GRID2: variants seen among roughly 807,000 people sequenced by gnomAD.
GRID2 encodes the protein glutamate receptor ionotropic, delta-2.
A neutral mutation model predicts 114.8 loss-of-function variants in GRID2; 33 were observed. That is an observed-to-expected ratio of 0.29 (90% CI 0.22 to 0.38). GRID2 has a LOEUF of 0.38. Among genes scored for constraint, GRID2 ranks in the 10% least tolerant of loss-of-function variants. The pLI, the probability that GRID2 is intolerant of heterozygous loss-of-function variation, is 1.00. For missense variants in GRID2, 1,184 were observed against 1,257.7 expected, an observed-to-expected ratio of 0.94 and a Z score of 0.89; for synonymous variants, 505 against 449.9, an observed-to-expected ratio of 1.12 and a Z score of -1.55.
At chr4:93,741,174 C>CATATATATATATATATATATATATAT in intron 14 of GRID2, among the ~76,000 whole-genome samples, 1 of 41,232 alleles carries the variant, frequency 2.4e-5, no homozygotes, top group Non-Finnish European at 4.1e-5. Context: ...TATATATATA[C>CATATATATATATATATATATATATAT]ATATATATAT....
intron 4 of GRID2, among the ~76,000 whole-genome samples, chr4:93,185,943 G>A (rs1026615222): frequency 3.9e-5 from 6 of 151,982 alleles, no homozygotes; most frequent in African/African-American, 9.7e-5. Flanking sequence ...TTCCCGCCCT[G>A]TGTCCAAGTG....
At position 92,713,473 on chromosome 4, in the gene GRID2, ATACATATAT is replaced by A. The variant is rs1225798418; in HGVS notation, c.244+123188_244+123196del. ...AGTTTACATATATTTACATATACAT[ATACATATAT>A]ATATATATATATATATATATATATA... On this transcript the variant is annotated intron_variant, in intron 2 of 15. Transcript: ENST00000282020. 1.4e-3 allele frequency among the ~76,000 whole-genome samples: 99 copies of A among 72,240 alleles called. 1 individual carries two copies. Among genetic ancestry groups the A allele is most frequent in the Admixed American group, 1.8e-3 (10 of 5,688 alleles). The allele number at this position is 72,240 out of a possible 152,430, so 47.4% of individuals were successfully genotyped here.
At chr4:92,663,791 C>A (rs980017967) in intron 2 of GRID2, among the ~76,000 whole-genome samples, 1 of 150,976 alleles carries the variant, frequency 6.6e-6, no homozygotes, top group Non-Finnish European at 1.5e-5. Context: ...TAAACTAAAT[C>A]TCTATCCTCC....
At chr4:93,191,398 A>C (rs1740968378) in intron 4 of GRID2, among the ~76,000 whole-genome samples, 1 of 152,064 alleles carries the variant, frequency 6.6e-6, no homozygotes, top group South Asian at 2.1e-4. Context: ...ATGTTGAGAG[A>C]GATTCTTTAT....
At chr4:93,382,566 ATTTC>A (rs1193474064) in intron 8 of GRID2, among the ~76,000 whole-genome samples, 6 of 151,806 alleles carry the variant, frequency 4.0e-5, no homozygotes, top group Non-Finnish European at 2.9e-5. Context: ...TAGCTACAAA[ATTTC>A]TTTCTACTTT....
intron 2 of GRID2, among the ~76,000 whole-genome samples, chr4:92,771,742 A>T (rs897360383): frequency 6.6e-6 from 1 of 152,210 alleles, no homozygotes; most frequent in Non-Finnish European, 1.5e-5. Flanking sequence ...TTGATGAAAC[A>T]GATTCCAGAT....
At chr4:93,370,413 A>AGG (rs1231343817) in intron 8 of GRID2, among the ~76,000 whole-genome samples, 2 of 150,522 alleles carry the variant, frequency 1.3e-5, no homozygotes, top group Non-Finnish European at 3.0e-5. Flanking sequence ...ACACACACAC[A>AGG]AACACACACA....
chr4:93,722,126 G>T (rs1729432074), intron 14 of GRID2, among the ~76,000 whole-genome samples: 1 of 151,716 alleles, frequency 6.6e-6, no homozygotes, highest in South Asian at 2.1e-4. Context: ...CACCATGTTG[G>T]CCAGGCTGGT....
intron 1 of GRID2, among the ~76,000 whole-genome samples, chr4:92,536,041 C>T (rs1725607411): frequency 6.6e-6 from 1 of 152,156 alleles, no homozygotes; most frequent in Non-Finnish European, 1.5e-5. Flanking sequence ...GAGTGAGCAG[C>T]ATTAGGATAC....
chr4:92,644,579 C>G (rs1480727086), intron 2 of GRID2, among the ~76,000 whole-genome samples: 3 of 151,686 alleles, frequency 2.0e-5, no homozygotes, highest in Non-Finnish European at 4.4e-5. Context: ...AGTAGCTAGA[C>G]TTGTGTTCCT....
At chr4:93,287,737 A>G (rs991561615) in intron 8 of GRID2, among the ~76,000 whole-genome samples, 1 of 152,214 alleles carries the variant, frequency 6.6e-6, no homozygotes, top group Admixed American at 6.5e-5. Context: ...TTAACTAGGA[A>G]AGGCTAAATT....
At chr4:93,050,361 T>A (rs968743640) in intron 2 of GRID2, among the ~76,000 whole-genome samples, 1 of 152,166 alleles carries the variant, frequency 6.6e-6, no homozygotes, top group African/African-American at 2.4e-5. Flanking sequence ...TTTAAAAAAA[T>A]TTACCTCAGT....
intron 2 of GRID2, among the ~76,000 whole-genome samples, chr4:92,811,751 G>A (rs1740670578): frequency 1.3e-5 from 2 of 151,968 alleles, no homozygotes. Context: ...GACAATTAAA[G>A]TAAAATCATA....
intron 14 of GRID2, among the ~76,000 whole-genome samples, chr4:93,720,144 C>A: frequency 6.6e-6 from 1 of 151,684 alleles, no homozygotes; most frequent in Non-Finnish European, 1.5e-5. Context: ...GTGAGAGCCC[C>A]CAAAAAAAAT....
At chr4:93,043,020 T>A (rs945283623) in intron 2 of GRID2, among the ~76,000 whole-genome samples, 1 of 152,010 alleles carries the variant, frequency 6.6e-6, no homozygotes, top group African/African-American at 2.4e-5. Context: ...ATAGTTTGAG[T>A]GTCTGATTAT....
chr4:93,683,882 C>T (rs969562318), intron 14 of GRID2, among the ~76,000 whole-genome samples: 1 of 151,982 alleles, frequency 6.6e-6, no homozygotes, highest in African/African-American at 2.4e-5. Flanking sequence ...AAAAATTACT[C>T]AATGACACTT....
chr4:93,618,716 A>C (rs1211346559), intron 13 of GRID2, among the ~76,000 whole-genome samples: 1 of 152,226 alleles, frequency 6.6e-6, no homozygotes, highest in Non-Finnish European at 1.5e-5. Context: ...CCTCAAACTT[A>C]GTTTCTTCCT....
intron 2 of GRID2, among the ~76,000 whole-genome samples, chr4:92,808,130 G>A (rs761225869): frequency 2.6e-5 from 4 of 151,964 alleles, no homozygotes; most frequent in Non-Finnish European, 4.4e-5. Flanking sequence ...TTTGAAGATG[G>A]AAGAAAAGGG....
intron 12 of GRID2, among the ~76,000 whole-genome samples, chr4:93,496,635 C>A (rs1247457675): frequency 6.6e-6 from 1 of 151,736 alleles, no homozygotes; most frequent in Non-Finnish European, 1.5e-5. Flanking sequence ...GAGTATGTGG[C>A]CTTTCGAAAA....
Sources: gnomAD v4.1 joint callset for allele counts (sites outside exome capture counted in the v4.1 genomes callset) on GRCh38, gnomAD v4.1.1 for gene constraint, MANE v1.5 for transcripts, NCBI Gene and HGNC (gene_info 2026-07-23, HGNC 2026-07-21) for gene names.